The following RAD51B variants were observed in gnomAD, a reference collection of about 807,000 sequenced individuals.
RAD51B encodes DNA repair protein RAD51 homolog 2.
RAD51B carries 38 observed loss-of-function variants against 42.2 expected under a neutral mutation model. The observed-to-expected ratio is 0.90, with a 90% CI of 0.70 to 1.18. The LOEUF (loss-of-function observed/expected upper bound fraction) is 1.18. Among genes scored for constraint, RAD51B ranks in the 50% most tolerant of loss-of-function variants. The pLI is 0.00. For missense variants in RAD51B, 373 were observed against 400.7 expected (o/e 0.93, Z 0.59); for synonymous variants, 154 against 145.2 (o/e 1.06, Z -0.43).
At chr14:68,464,025 G>A (rs1444768293) in intron 9 of RAD51B, among the ~76,000 whole-genome samples, 2 of 152,212 alleles carry the variant, frequency 1.3e-5, no homozygotes, top group Non-Finnish European at 2.9e-5. Flanking sequence ...ATCTCATTCT[G>A]GCTGTTCCAT....
At chr14:68,212,410 TA>T (rs2079729732) in intron 7 of RAD51B, among the ~76,000 whole-genome samples, 2 of 152,196 alleles carry the variant, frequency 1.3e-5, no homozygotes, top group South Asian at 4.1e-4. Context: ...GAGCCTTACA[TA>T]GAGCTGTTAG....
chr14:68,527,610 A>G (rs1382694685), intron 10 of RAD51B, among the ~76,000 whole-genome samples: 1 of 152,244 alleles, frequency 6.6e-6, no homozygotes, highest in Non-Finnish European at 1.5e-5. Flanking sequence ...GATTTAGACA[A>G]ATTACATAAC....
intron 7 of RAD51B, among the ~76,000 whole-genome samples, chr14:68,048,922 G>A (rs1483407931): frequency 5.3e-5 from 8 of 152,198 alleles, no homozygotes; most frequent in Admixed American, 3.3e-4. Context: ...TGTTTATTGC[G>A]GTACTATTCA....
chr14:68,042,591 T>G (rs2076234832), intron 7 of RAD51B, among the ~76,000 whole-genome samples: 2 of 152,170 alleles, frequency 1.3e-5, no homozygotes, highest in African/African-American at 4.8e-5. Context: ...TGCCACATAT[T>G]TTTGTACACA....
chr14:68,323,266 T>G (rs8016350), intron 8 of RAD51B, among the ~76,000 whole-genome samples: 22,910 of 152,204 alleles, frequency 0.15, 2,466 homozygotes, highest in African/African-American at 0.31. Flanking sequence ...AGCTAGGTAC[T>G]GCTGCTAGTG....
chr14:68,433,779 A>G (rs578252162), intron 9 of RAD51B, among the ~76,000 whole-genome samples: 2 of 152,240 alleles, frequency 1.3e-5, no homozygotes, highest in East Asian at 1.9e-4. Context: ...GCTTTGTTCC[A>G]TTGCTGGCGA....
chr14:68,347,702 C>T (rs2082702611), intron 8 of RAD51B, among the ~76,000 whole-genome samples: 1 of 152,132 alleles, frequency 6.6e-6, no homozygotes, highest in African/African-American at 2.4e-5. Flanking sequence ...AGAAACAGGC[C>T]CGTGAACAGC....
At chr14:67,829,828 C>A (rs1216050910) in intron 3 of RAD51B, among the ~76,000 whole-genome samples, 1 of 152,110 alleles carries the variant, frequency 6.6e-6, no homozygotes, top group East Asian at 1.9e-4. Flanking sequence ...AATATTAATT[C>A]AGAAATAATT....
intron 9 of RAD51B, among the ~76,000 whole-genome samples, chr14:68,451,038 T>G (rs116207773): frequency 0.012 from 1,894 of 152,224 alleles, 37 homozygotes; most frequent in African/African-American, 0.043. Context: ...TGGTCAGTAT[T>G]CTCAGCTTCA....
At chr14:68,508,923 C>T (rs1885525202) in intron 10 of RAD51B, among the ~76,000 whole-genome samples, 1 of 152,256 alleles carries the variant, frequency 6.6e-6, no homozygotes, top group South Asian at 2.1e-4. Context: ...CTGCTTTGTC[C>T]TCCTGAAGCA....
chr14:67,881,558 G>A (rs948440029), intron 5 of RAD51B, among the ~76,000 whole-genome samples: 2 of 152,092 alleles, frequency 1.3e-5, no homozygotes, highest in Non-Finnish European at 2.9e-5. Context: ...CCCAAACTCC[G>A]ATCCCCATCT....
chr14:68,410,902 G>T (rs1594798265), intron 8 of RAD51B, among the ~76,000 whole-genome samples: 1 of 151,916 alleles, frequency 6.6e-6, no homozygotes, highest in African/African-American at 2.4e-5. Flanking sequence ...CCTATGAAAT[G>T]CTGAGATCTT....
chr14:67,880,658 T>A (rs1189219907), intron 5 of RAD51B, among the ~76,000 whole-genome samples: 1 of 152,228 alleles, frequency 6.6e-6, no homozygotes, highest in African/African-American at 2.4e-5. Context: ...TATAATTTTT[T>A]AAATCTGTTT....
intron 7 of RAD51B, among the ~76,000 whole-genome samples, chr14:67,931,239 A>T (rs900470869): frequency 6.6e-6 from 1 of 151,974 alleles, no homozygotes; most frequent in African/African-American, 2.4e-5. Flanking sequence ...TTATTTCAAA[A>T]GGCCCATCTT....
chr14:68,201,252 G>C (rs2079479240), intron 7 of RAD51B, among the ~76,000 whole-genome samples: 2 of 152,118 alleles, frequency 1.3e-5, no homozygotes, highest in South Asian at 4.1e-4. Context: ...ATGAGAGCAA[G>C]TTCTATAAAG....
At chr14:68,471,047 C>T (rs986913281) in intron 10 of RAD51B, among the ~76,000 whole-genome samples, 1 of 152,126 alleles carries the variant, frequency 6.6e-6, no homozygotes, top group African/African-American at 2.4e-5. Context: ...GGAAAGGTAC[C>T]ATCAGTCAAG....
intron 7 of RAD51B, among the ~76,000 whole-genome samples, chr14:68,019,974 A>G (rs2075837628): frequency 6.6e-6 from 1 of 152,212 alleles, no homozygotes; most frequent in Non-Finnish European, 1.5e-5. Flanking sequence ...GCTAACTGCA[A>G]GAATGACAAC....
At chr14:68,431,954 T>C (rs1306645596) in intron 9 of RAD51B, among the ~76,000 whole-genome samples, 1 of 152,218 alleles carries the variant, frequency 6.6e-6, no homozygotes, top group East Asian at 1.9e-4. Context: ...TGTTGTGTCT[T>C]TGTTCTCACT....
intron 8 of RAD51B, among the ~76,000 whole-genome samples, chr14:68,391,075 G>A (rs1477070175): frequency 6.6e-6 from 1 of 152,168 alleles, no homozygotes; most frequent in Non-Finnish European, 1.5e-5. Flanking sequence ...TTTAGGATAT[G>A]TTCACAAGAT....
Sources: allele counts gnomAD v4.1 joint callset (sites outside exome capture counted in the v4.1 genomes callset), GRCh38; gene constraint gnomAD v4.1.1; transcripts MANE v1.5; gene names NCBI Gene and HGNC (gene_info 2026-07-23, HGNC 2026-07-21).